LTBP1: variants seen among roughly 807,000 people sequenced by gnomAD.
LTBP1 encodes the protein latent transforming growth factor beta binding protein 1.
LTBP1 carries 129 observed loss-of-function variants against 207.6 expected under a neutral mutation model. The ratio of observed to expected loss-of-function variants is 0.62; its 90% CI spans 0.54 to 0.72. LTBP1 has a LOEUF of 0.72. LTBP1 is among the 30% of genes least tolerant of loss of function. The pLI is 0.00. For missense variants in LTBP1, 2,281 were observed against 2,217.2 expected, an observed-to-expected ratio of 1.03 and a Z score of -0.58; for synonymous variants, 963 against 833.7, an observed-to-expected ratio of 1.16 and a Z score of -2.67.
chr2:33,096,022 A>C (rs1018438081), intron 3 of LTBP1, among the ~76,000 whole-genome samples: 1 of 152,106 alleles, frequency 6.6e-6, no homozygotes, highest in Non-Finnish European at 1.5e-5. Flanking sequence ...TTTAGAGATC[A>C]AAGAAGCTCA....
chr2:33,367,228 A>G (rs2095000947), intron 31 of LTBP1, among the ~76,000 whole-genome samples: 6 of 152,216 alleles, frequency 3.9e-5, no homozygotes, highest in Non-Finnish European at 8.8e-5. Context: ...GATTGGGGTC[A>G]TCTGATAATT....
At chr2:33,378,054 G>A (rs781024533) in intron 31 of LTBP1, among the ~76,000 whole-genome samples, 1 of 152,180 alleles carries the variant, frequency 6.6e-6, no homozygotes, top group Non-Finnish European at 1.5e-5. Flanking sequence ...AAAAGTAAAA[G>A]TCTTAGCAGT....
In LTBP1 at chr2:33,193,843, C is replaced by T. The variant is rs186033041; in HGVS notation, c.1701+4992C>T. On this transcript the variant is annotated intron_variant, in intron 7 of 33. Coordinates refer to ENST00000404816, the MANE Select transcript of LTBP1 (RefSeq NM_206943.4). ...CTGACTGCTCTACCAACTGGCCATT[C>T]CCCCATCTCTCTCCCTGTCTTCAGG... Among the ~76,000 whole-genome samples, 30 of 152,206 alleles carry T rather than the reference C, an allele frequency of 2.0e-4. 1 individual carries two copies. The highest frequency in any genetic ancestry group is 6.5e-4 in the African/African-American group (27 of 41,528).
chr2:33,297,757 A>G (rs571830300), intron 20 of LTBP1, among the ~76,000 whole-genome samples: 1 of 143,374 alleles, frequency 7.0e-6, no homozygotes, highest in East Asian at 1.9e-4. Flanking sequence ...ACAAAACAAA[A>G]ACAAAAAACT....
chr2:33,207,647 T>C (rs1210516944), intron 7 of LTBP1, among the ~76,000 whole-genome samples: 2 of 152,252 alleles, frequency 1.3e-5, no homozygotes, highest in African/African-American at 2.4e-5. Flanking sequence ...ACCCAGCCAG[T>C]TCTGCATTGT....
chr2:33,021,212 T>C lies in LTBP1; in HGVS notation c.863+6T>C, dbSNP rs756841168. ...CCCCAGCAGATACATTCTCAGTGAG[T>C]GTTTCGAACTTTCATTTAGCTAAGG... On this transcript the variant is annotated splice_donor_region_variant and intron_variant, in intron 3 of 33. Coordinates refer to ENST00000404816, the MANE Select transcript of LTBP1 (RefSeq NM_206943.4). The C allele has an allele frequency of 3.8e-6, 6 of 1,573,208 alleles. No homozygotes were observed. Among genetic ancestry groups the C allele is most frequent in the Non-Finnish European group, 5.2e-6 (6 of 1,154,288 alleles).
intron 31 of LTBP1, among the ~76,000 whole-genome samples, chr2:33,374,247 A>G (rs573911834): frequency 1.5e-4 from 23 of 152,210 alleles, no homozygotes; most frequent in Non-Finnish European, 5.9e-5. Flanking sequence ...TTGTGAAACA[A>G]TGAGTGGTCA....
intron 3 of LTBP1, chr2:33,056,359 C>T (rs1021053147): frequency 2.3e-5 from 29 of 1,252,204 alleles, no homozygotes; most frequent in African/African-American, 6.1e-5. Flanking sequence ...TTGTGGCTTT[C>T]GGTTTTCTTT....
At chr2:32,968,156 T>C (rs1021872523) in intron 2 of LTBP1, among the ~76,000 whole-genome samples, 3 of 152,094 alleles carry the variant, frequency 2.0e-5, no homozygotes, top group African/African-American at 7.2e-5. Flanking sequence ...TTGGTAGAAA[T>C]AGAGTTTCAC....
At chr2:32,955,676 C>G (rs145740807) in intron 2 of LTBP1, among the ~76,000 whole-genome samples, 43 of 152,100 alleles carry the variant, frequency 2.8e-4, no homozygotes, top group African/African-American at 9.6e-4. Flanking sequence ...AACATAGAAG[C>G]TGCCCATCAG....
rs373566641 is a variant in LTBP1, at chr2:33,196,419, T to G, written c.1701+7568T>G. 2.9e-4 allele frequency among the ~76,000 whole-genome samples: 44 copies of G among 152,300 alleles called. No individual in the cohort carries two copies. The East Asian group carries it at 7.3e-3, about 25-fold the overall frequency. ...ATTTAGAGACTTTTTAGAAACAAAC[T>G]TAAAGTTTTTAACTGTTTAATGGGA... On this transcript the variant is annotated intron_variant, in intron 7 of 33. Coordinates refer to ENST00000404816, the MANE Select transcript of LTBP1 (RefSeq NM_206943.4).
rs1417583347 is a variant in LTBP1, at chr2:33,292,243, T to C, written c.3113-917T>C. Among the ~76,000 whole-genome samples the C allele has an allele frequency of 2.0e-5, 3 of 152,212 alleles. No individual in the cohort carries two copies. In the East Asian group the frequency reaches 5.8e-4, roughly 29 times the overall value. On this transcript the variant is annotated intron_variant, in intron 19 of 33. Transcript: ENST00000404816. The stretch of plus-strand genomic sequence containing the variant: ...TTTAATGAAGTAGATTTTAGATGAT[T>C]ATTTTCAATATAAATGCTGTGTTAG...
intron 3 of LTBP1, among the ~76,000 whole-genome samples, chr2:33,026,585 A>G (rs1407265182): frequency 6.6e-6 from 1 of 152,188 alleles, no homozygotes; most frequent in Non-Finnish European, 1.5e-5. Context: ...TGGTCTGCCC[A>G]ACGAGTCTGT....
chr2:33,109,494 G>A (rs894479716), intron 3 of LTBP1, among the ~76,000 whole-genome samples: 2 of 152,144 alleles, frequency 1.3e-5, no homozygotes, highest in Admixed American at 6.5e-5. Context: ...CTTCCTCAGG[G>A]AATAACTGAA....
intron 31 of LTBP1, among the ~76,000 whole-genome samples, chr2:33,387,555 A>T (rs898642239): frequency 6.6e-6 from 1 of 152,192 alleles, no homozygotes; most frequent in African/African-American, 2.4e-5. Flanking sequence ...ATCCTACCCT[A>T]TCCAGTGGTT....
At chr2:33,155,958 G>A (rs1297161520) in intron 5 of LTBP1, among the ~76,000 whole-genome samples, 3 of 152,176 alleles carry the variant, frequency 2.0e-5, no homozygotes, top group Non-Finnish European at 2.9e-5. Context: ...AGGGAAACCA[G>A]AGTAAGCCCT....
rs115430397 is a variant in LTBP1 at position 33,290,921 on chromosome 2, A to G, written c.3113-2239A>G. Among the ~76,000 whole-genome samples the G allele has an allele frequency of 3.4e-3, 515 of 152,332 alleles. 4 individuals carry two copies. Among genetic ancestry groups the G allele is most frequent in the African/African-American group, 0.012 (494 of 41,578 alleles). ...TGGGCCAACGATATAATGCTGAATTAATTTTACACCATTTGCATCCACCAA... is the reference window on the plus strand; with the variant it reads ...TGGGCCAACGATATAATGCTGAATTGATTTTACACCATTTGCATCCACCAA... On this transcript the variant is annotated intron_variant, in intron 19 of 33. Transcript: ENST00000404816.
chr2:33,354,781 G>C (rs143247188), intron 26 of LTBP1, among the ~76,000 whole-genome samples: 5 of 150,320 alleles, frequency 3.3e-5, no homozygotes, highest in Admixed American at 2.7e-4. Context: ...TCGCTCTGTT[G>C]CCCAGGCTGG....
At chr2:33,082,366 A>G (rs1428848760) in intron 3 of LTBP1, among the ~76,000 whole-genome samples, 1 of 151,512 alleles carries the variant, frequency 6.6e-6, no homozygotes. Flanking sequence ...CAAACAGACT[A>G]GGACAGGTAG....
Sources: gnomAD v4.1 joint callset for allele counts (sites outside exome capture counted in the v4.1 genomes callset) on GRCh38, gnomAD v4.1.1 for gene constraint, MANE v1.5 for transcripts, NCBI Gene and HGNC (gene_info 2026-07-23, HGNC 2026-07-21) for gene names.